ISLR2: variants seen among roughly 807,000 people sequenced by gnomAD.
The protein encoded by ISLR2 is immunoglobulin superfamily containing leucine rich repeat 2.
Under a neutral mutation model 25.5 loss-of-function variants are expected in ISLR2, and 16 were observed. The observed-to-expected ratio is 0.63, with a 90% CI of 0.43 to 0.95. ISLR2 has a LOEUF of 0.95. Ranked by LOEUF, ISLR2 falls within the 40% of genes least tolerant of loss-of-function variation. The pLI, the probability that ISLR2 is intolerant of heterozygous loss-of-function variation, is 0.00. For missense variants in ISLR2, 883 were observed against 1,030.7 expected (o/e 0.86, Z 1.96); for synonymous variants, 508 against 486.6 (o/e 1.04, Z -0.58).
rs368363015 is a variant in ISLR2, at chr15:74,108,174, CTG to C, written n.228+4261_228+4262del. Among the ~76,000 whole-genome samples the C allele has an allele frequency of 1.9e-3, 282 of 152,292 alleles. 2 individuals are homozygous for C. Among genetic ancestry groups the C allele is most frequent in the African/African-American group, 6.8e-3 (282 of 41,554 alleles). On this transcript the variant is annotated intron_variant and non_coding_transcript_variant, in intron 2 of 3. Coordinates refer to the ISLR2 transcript ENST00000561975. ...CCATAACCCAGGACGCTAGAGTTAA[CTG>C]AGGCTGCATCCCTTTCCCACCCAGA...
Position 74,122,803 on chromosome 15 carries a change from G to A in ISLR2, n.229-8404G>A, listed in dbSNP as rs547929000. ...TGGGCTTTGATGGGGACAGTGGAGG[G>A]GAAGGCCCTGCGCAGCCCCCCAACC... On this transcript the variant is annotated intron_variant and non_coding_transcript_variant, in intron 2 of 3. Coordinates refer to the ISLR2 transcript ENST00000561975. Among the ~76,000 whole-genome samples the A allele has an allele frequency of 3.9e-5, 6 of 152,306 alleles. No homozygotes were observed. In the South Asian group the frequency reaches 1.2e-3, roughly 32 times the overall value.
intron 2 of ISLR2, among the ~76,000 whole-genome samples, chr15:74,107,732 G>A (rs2072132571): frequency 6.6e-6 from 1 of 152,190 alleles, no homozygotes; most frequent in African/African-American, 2.4e-5. Flanking sequence ...GACCTTTTCA[G>A]AGCTATCGTC....
At chr15:74,120,824 T>G (rs2141936894) in intron 2 of ISLR2, among the ~76,000 whole-genome samples, 2 of 152,226 alleles carry the variant, frequency 1.3e-5, no homozygotes, top group Middle Eastern at 6.8e-3. Flanking sequence ...ATTTAGTGAT[T>G]GGCAACACAC....
chr15:74,137,853 A>G (rs2141969249), downstream of ISLR2, among the ~76,000 whole-genome samples: 1 of 152,318 alleles, frequency 6.6e-6, no homozygotes, highest in Non-Finnish European at 1.5e-5. Context: ...CCCCAGCCTC[A>G]GGTCTGTCCT....
chr15:74,134,441 A>G lies in ISLR2; in HGVS notation c.1687A>G (p.Asn563Asp). Residue 563 changes from asparagine (N) to aspartate (D), a missense_variant, in exon 3 of 3, where the codon AAC becomes GAC. By Grantham distance (23) the Asn-to-Asp change is conservative (BLOSUM62 1). Transcript: ENST00000453268. ...YWFRGLRPGTNYSVCLALAGE... is the reference protein window; with the variant it reads ...YWFRGLRPGTDYSVCLALAGE... ...GTTCCGCGGCCTGCGGCCGGGTACC[A>G]ACTACTCCGTGTGCCTGGCGCTGGC... 6.2e-7 allele frequency: 1 copy of G among 1,612,638 alleles called. No individual in the cohort carries two copies. The highest frequency in any genetic ancestry group is 8.5e-7 in the Non-Finnish European group (1 of 1,179,862).
chr15:74,115,134 T>C (rs1258503799), intron 2 of ISLR2, among the ~76,000 whole-genome samples: 2 of 152,138 alleles, frequency 1.3e-5, no homozygotes, highest in African/African-American at 4.8e-5. Context: ...ATTCATATTC[T>C]CACTAGTCAG....
In ISLR2 at chr15:74,132,742, T is replaced by G; in HGVS notation, c.-8-5T>G. 2.5e-6 allele frequency: 4 copies of G among 1,604,714 alleles called. No individual in the cohort carries two copies. The highest frequency in any genetic ancestry group is 3.4e-6 in the Non-Finnish European group (4 of 1,172,564). On this transcript the variant is annotated splice_region_variant and splice_polypyrimidine_tract_variant and intron_variant, in intron 2 of 2. Transcript: ENST00000453268. This position sits in a 1 kb window ranked among gnomAD's most constrained non-coding sequence, Gnocchi z 4.3. ...CTTTCTTCTTCACCTGGCTTCCATC[T>G]GCAGGAGCCGCGATGTTCCCCCTTC... is the stretch of plus-strand genomic sequence containing the variant.
intron 1 of ISLR2, among the ~76,000 whole-genome samples, chr15:74,102,720 G>A (rs1175953656): frequency 6.6e-6 from 1 of 152,056 alleles, no homozygotes; most frequent in South Asian, 2.1e-4. Flanking sequence ...AATATGTTAT[G>A]AATATATGTG....
chr15:74,115,196 T>TACA (rs767355537), intron 2 of ISLR2, among the ~76,000 whole-genome samples: 142 of 152,282 alleles, frequency 9.3e-4, no homozygotes, highest in Non-Finnish European at 1.6e-3. Context: ...TTTAGAAAAG[T>TACA]ATTGCCTTAA....
intron 1 of ISLR2, among the ~76,000 whole-genome samples, chr15:74,100,845 C>A (rs2072078933): frequency 6.6e-6 from 1 of 151,420 alleles, no homozygotes; most frequent in African/African-American, 2.5e-5. Context: ...CCCACAGCTT[C>A]AACATCACTA....
At position 74,133,138 on chromosome 15, in the gene ISLR2, C is replaced by A; in HGVS notation, c.384C>A (p.Leu128=). 1 of 1,612,906 alleles carries A rather than the reference C, an allele frequency of 6.2e-7. No homozygotes were observed. Among genetic ancestry groups the A allele is most frequent in the Non-Finnish European group, 8.5e-7 (1 of 1,179,940 alleles). The part of the protein sequence containing the change: ...DLRNLSALQL[L]KMNHNRLGSL... ...GCAACCTGAGCGCGCTGCAGCTGCT[C>A]AAAATGAACCACAACCGCCTGGGCT... The change falls in exon 3 of 3, where the codon CTC becomes CTA. Residue 128 remains leucine, a synonymous_variant. Coordinates refer to ENST00000453268, the MANE Select transcript of ISLR2 (RefSeq NM_020851.3).
At position 74,133,684 on chromosome 15, in the gene ISLR2, G is replaced by T. The variant is rs768585192; in HGVS notation, c.930G>T (p.Thr310=). 6.2e-7 allele frequency: 1 copy of T among 1,607,452 alleles called. No individual in the cohort carries two copies. The change falls in exon 3 of 3, where the codon ACG becomes ACT. Residue 310 remains threonine (T), a synonymous_variant. Transcript: ENST00000453268. The part of the protein sequence containing the change: ...GEGEGDGDLL[T]QTQAQTPTPA... The stretch of plus-strand genomic sequence containing the variant: ...GAGAAGGAGATGGGGATTTGCTGAC[G>T]CAGACCCAAGCCCAAACGCCGACTC...
At position 74,132,943 on chromosome 15, in the gene ISLR2, C is replaced by A. The variant is rs1268763711; in HGVS notation, c.189C>A (p.Ile63=). The change falls in exon 3 of 3, where the codon ATC becomes ATA. Residue 63 remains isoleucine, a synonymous_variant. Coordinates refer to ENST00000453268, the MANE Select transcript of ISLR2 (RefSeq NM_020851.3). This position sits in a 1 kb window ranked among gnomAD's most constrained non-coding sequence, Gnocchi z 4.3. ...VTTLSLSANK[I]TVLRRGAFAD... ...CGCTTAGTCTGTCCGCGAACAAGATCACTGTGCTGCGGCGCGGGGCCTTCG... is the reference window on the plus strand; with the variant it reads ...CGCTTAGTCTGTCCGCGAACAAGATAACTGTGCTGCGGCGCGGGGCCTTCG... 8.7e-6 allele frequency: 14 copies of A among 1,614,082 alleles called. No individual in the cohort carries two copies. Among genetic ancestry groups the A allele is most frequent in the Admixed American group, 3.3e-5 (2 of 60,030 alleles).
At chr15:74,128,068 G>A (rs909723972), upstream of ISLR2, 1 of 208,320 alleles carries the variant, frequency 4.8e-6, no homozygotes, top group Non-Finnish European at 9.6e-6. Flanking sequence ...GCGGCGGGAT[G>A]AGGTCTTGGT....
Position 74,133,258 on chromosome 15 carries a change from C to T in ISLR2, c.504C>T (p.Asp168=). ...GTACGCTGGCGCCTGGCACCTTCGA[C>T]GCGCTTAGCGCGCTGTCACACTTGC... ...RLRTLAPGTF[D]ALSALSHLQL... The change falls in exon 3 of 3, where the codon GAC becomes GAT. Residue 168 remains aspartate (D), a synonymous_variant. Coordinates refer to ENST00000453268, the MANE Select transcript of ISLR2 (RefSeq NM_020851.3). The T allele has an allele frequency of 6.2e-7, 1 of 1,611,534 alleles. No individual in the cohort carries two copies. Among genetic ancestry groups the T allele is most frequent in the Non-Finnish European group, 8.5e-7 (1 of 1,179,996 alleles).
downstream of ISLR2, among the ~76,000 whole-genome samples, chr15:74,140,435 C>T (rs1454235686): frequency 6.6e-6 from 1 of 152,176 alleles, no homozygotes; most frequent in African/African-American, 2.4e-5. Context: ...CCCTGCCCCA[C>T]ATTTGTTAAC....
In ISLR2 at chr15:74,134,510, G is replaced by A; in HGVS notation, c.1756G>A (p.Glu586Lys). ...HVQVVFSTKK[E>K]LPSLLVIVAV... ...GCAAGTGGTGTTTTCCACCAAGAAG[G>A]AGCTCCCATCGCTGCTGGTCATAGT... The change falls in exon 3 of 3, where the codon GAG (glutamate) becomes AAG (lysine). Residue 586 changes from glutamate (E) to lysine (K), a missense_variant. This residue lies in a region of ISLR2 where 612 missense variants were observed against 642.8 expected (regional missense o/e 0.95). Coordinates refer to ENST00000453268, the MANE Select transcript of ISLR2 (RefSeq NM_020851.3). 1.2e-6 allele frequency: 2 copies of A among 1,613,968 alleles called. No homozygotes were observed. The highest frequency in any genetic ancestry group is 1.7e-6 in the Non-Finnish European group (2 of 1,180,024).
rs756568801 is a variant in ISLR2, at chr15:74,133,450, G to T, written c.696G>T (p.Pro232=). The T allele has an allele frequency of 6.2e-7, 1 of 1,610,762 alleles. No homozygotes were observed. The highest frequency in any genetic ancestry group is 2.2e-5 in the East Asian group (1 of 44,850). The part of the protein sequence containing the change: ...VYRLPALPCA[P]PSVHLSAEPP... ...GCCTGCCCGCCCTGCCCTGTGCACC[G>T]CCCAGCGTGCATCTGAGTGCCGAGC... Residue 232 remains proline, a synonymous_variant, in exon 3 of 3, where the codon CCG becomes CCT. Transcript: ENST00000453268.
chr15:74,128,520 GC>G, upstream of ISLR2: 1 of 456,630 alleles, frequency 2.2e-6, no homozygotes, highest in South Asian at 1.5e-5. Context: ...TGGTCCTCGG[GC>G]CCCGAAGTTT....
Sources: allele counts gnomAD v4.1 joint callset (sites outside exome capture counted in the v4.1 genomes callset), GRCh38; gene constraint gnomAD v4.1.1; regional missense constraint gnomAD v4.1.1; non-coding constraint Gnocchi (gnomAD v3.1); transcripts MANE v1.5; gene names NCBI Gene and HGNC (gene_info 2026-07-23, HGNC 2026-07-21).